Variants in DPY19L3 observed in about 807,000 individuals in gnomAD.
DPY19L3 encodes the protein protein C-mannosyl-transferase DPY19L3.
In DPY19L3, 51 loss-of-function variants were observed where a neutral mutation model predicts 92.3. That is an observed-to-expected ratio of 0.55 (90% CI 0.44 to 0.70). The LOEUF (loss-of-function observed/expected upper bound fraction) is 0.70. Among genes scored for constraint, DPY19L3 ranks in the 30% least tolerant of loss-of-function variants. DPY19L3 has a pLI of 0.00. For missense variants in DPY19L3, 706 were observed against 855.9 expected, an observed-to-expected ratio of 0.82 and a Z score of 2.18; for synonymous variants, 309 against 315.2, an observed-to-expected ratio of 0.98 and a Z score of 0.21.
intron 8 of DPY19L3, among the ~76,000 whole-genome samples, chr19:32,452,669 G>T (rs138735097): frequency 9.7e-4 from 147 of 151,836 alleles, no homozygotes; most frequent in African/African-American, 3.5e-3. Flanking sequence ...ATAAACAGTT[G>T]GTATGTGTAT....
At chr19:32,419,286 G>A (rs1030340538) in intron 3 of DPY19L3, among the ~76,000 whole-genome samples, 11 of 150,912 alleles carry the variant, frequency 7.3e-5, no homozygotes, top group African/African-American at 2.7e-4. Context: ...TCAGCCTCCT[G>A]AGTAGCTGGG....
chr19:32,483,799 AG>A lies in DPY19L3; in HGVS notation c.*1561del. The stretch of plus-strand genomic sequence containing the variant: ...ATAAGATTGGAGACCACTGCCGTTT[AG>A]GATAATACAATAATAAAACGTTTTA... On this transcript the variant is annotated 3_prime_UTR_variant, in exon 19 of 19. Coordinates refer to ENST00000392250, the MANE Select transcript of DPY19L3 (RefSeq NM_001172774.2). 6.6e-6 allele frequency: 1 copy of A among 152,610 alleles called. No individual in the cohort carries two copies. Among genetic ancestry groups the A allele is most frequent in the Non-Finnish European group, 1.5e-5 (1 of 68,048 alleles). 9.5% of individuals were successfully genotyped at this position (152,610 alleles called of 1,614,324 possible).
chr19:32,418,987 T>C (rs1278813444), intron 3 of DPY19L3, among the ~76,000 whole-genome samples: 1 of 152,118 alleles, frequency 6.6e-6, no homozygotes, highest in Non-Finnish European at 1.5e-5. Context: ...TCTAGTATCC[T>C]TTCTCAGCAT....
chr19:32,420,575 G>C (rs777218166), intron 3 of DPY19L3, among the ~76,000 whole-genome samples: 7 of 152,018 alleles, frequency 4.6e-5, no homozygotes, highest in Non-Finnish European at 1.0e-4. Context: ...CTCCTGAGTA[G>C]AGTAGCTGGG....
At chr19:32,419,525 A>G (rs1030094) in intron 3 of DPY19L3, among the ~76,000 whole-genome samples, 36,496 of 151,782 alleles carry the variant, frequency 0.24, 5,380 homozygotes, top group African/African-American at 0.42. Flanking sequence ...CAGTGGTGCA[A>G]TCAAGGTCAC....
At chr19:32,473,951 C>T (rs372937331) in intron 16 of DPY19L3, among the ~76,000 whole-genome samples, 3 of 152,072 alleles carry the variant, frequency 2.0e-5, no homozygotes, top group Non-Finnish European at 2.9e-5. Context: ...TACAGGCAGG[C>T]GCCACCACAC....
chr19:32,455,543 C>G (rs1200300585), intron 10 of DPY19L3, among the ~76,000 whole-genome samples: 1 of 151,862 alleles, frequency 6.6e-6, no homozygotes, highest in Non-Finnish European at 1.5e-5. Context: ...ATACACGTAG[C>G]TTTCTGTACT....
intron 3 of DPY19L3, among the ~76,000 whole-genome samples, chr19:32,418,978 C>T (rs1968469724): frequency 6.6e-6 from 1 of 151,774 alleles, no homozygotes; most frequent in Non-Finnish European, 1.5e-5. Flanking sequence ...AAAGATATAT[C>T]TAGTATCCTT....
At chr19:32,446,958 A>G (rs1217142513) in intron 8 of DPY19L3, among the ~76,000 whole-genome samples, 2 of 152,202 alleles carry the variant, frequency 1.3e-5, no homozygotes, top group Non-Finnish European at 2.9e-5. Context: ...CTATCTCCCG[A>G]GCCATAAAAC....
rs1051033477 is a variant in DPY19L3, at chr19:32,482,367, A to G, written c.*127A>G. 3.7e-6 allele frequency: 4 copies of G among 1,088,134 alleles called. No homozygotes were observed. The highest frequency in any genetic ancestry group is 5.3e-6 in the Non-Finnish European group (4 of 760,918). 67.4% of individuals were successfully genotyped at this position (1,088,134 alleles called of 1,614,324 possible). On this transcript the variant is annotated 3_prime_UTR_variant, in exon 19 of 19. Coordinates refer to ENST00000392250, the MANE Select transcript of DPY19L3 (RefSeq NM_001172774.2). ...AAGCTGTGATATGAGTAAGTTCTAC[A>G]GATGTTTACACAAGTGTTGCCATCT...
intron 10 of DPY19L3, among the ~76,000 whole-genome samples, chr19:32,457,158 C>A (rs1233584314): frequency 2.6e-5 from 4 of 152,054 alleles, no homozygotes; most frequent in African/African-American, 9.7e-5. Flanking sequence ...TTTTTGACTC[C>A]CCGAAGAATA....
intron 9 of DPY19L3, 64 bp downstream of exon 9, chr19:32,453,340 C>G: frequency 6.8e-7 from 1 of 1,476,832 alleles, no homozygotes; most frequent in African/African-American, 1.4e-5. Flanking sequence ...TTTATTGAAC[C>G]TTATTTTCAC....
At chr19:32,460,261 A>G (rs1969995488) in intron 12 of DPY19L3, among the ~76,000 whole-genome samples, 2 of 152,080 alleles carry the variant, frequency 1.3e-5, no homozygotes, top group Admixed American at 1.3e-4. Context: ...AAAAAGAAAA[A>G]TTAGCCAGGC....
intron 16 of DPY19L3, among the ~76,000 whole-genome samples, chr19:32,475,975 C>CT (rs933670106): frequency 2.6e-5 from 4 of 152,182 alleles, no homozygotes; most frequent in African/African-American, 9.7e-5. Context: ...ATTCCAGCCA[C>CT]TTTTTTTCCT....
chr19:32,457,783 C>G (rs1568350470), intron 10 of DPY19L3, among the ~76,000 whole-genome samples: 2 of 152,176 alleles, frequency 1.3e-5, no homozygotes, highest in African/African-American at 4.8e-5. Context: ...AAAACTTATG[C>G]ACACTATGCC....
chr19:32,477,892 G>A (rs186677107), intron 17 of DPY19L3, among the ~76,000 whole-genome samples: 1 of 152,284 alleles, frequency 6.6e-6, no homozygotes, highest in East Asian at 1.9e-4. Flanking sequence ...AATCATGGCA[G>A]AAGGCAAGGA....
chr19:32,463,807 C>T (rs1970116658), intron 13 of DPY19L3, 62 bp from the exon 14 acceptor site: 6 of 1,404,938 alleles, frequency 4.3e-6, no homozygotes, highest in African/African-American at 4.2e-5. Flanking sequence ...TTATAGGTGT[C>T]TCAGAATCCA....
At chr19:32,438,835 C>T (rs768180567) in intron 6 of DPY19L3, 4 of 286,052 alleles carry the variant, frequency 1.4e-5, no homozygotes, top group African/African-American at 6.5e-5. Context: ...TGGCATGATA[C>T]ATTTGTGAGT....
chr19:32,445,093 CAAAA>C (rs1043629742), intron 8 of DPY19L3, among the ~76,000 whole-genome samples: 3 of 132,394 alleles, frequency 2.3e-5, no homozygotes, highest in Admixed American at 7.6e-5. Flanking sequence ...AAAAAAAAAA[CAAAA>C]AACAATGGAG....
Sources: gnomAD v4.1 joint callset for allele counts (sites outside exome capture counted in the v4.1 genomes callset) on GRCh38, gnomAD v4.1.1 for gene constraint, MANE v1.5 for transcripts, NCBI Gene and HGNC (gene_info 2026-07-23, HGNC 2026-07-21) for gene names.